Variants in ATIC observed in about 807,000 individuals in gnomAD.
ATIC encodes the protein bifunctional purine biosynthesis protein ATIC.
In ATIC, 64 loss-of-function variants were observed where a neutral mutation model predicts 72.5. That is an observed-to-expected ratio of 0.88 (90% CI 0.72 to 1.09). The LOEUF is 1.09. Ranked by LOEUF, ATIC falls within the 50% of genes least tolerant of loss-of-function variation. ATIC has a pLI of 0.00. For synonymous variants in ATIC, 281 were observed against 267.1 expected (o/e 1.05, Z -0.51); for missense variants, 787 against 732.4 (o/e 1.07, Z -0.86).
chr2:215,354,150 C>T (rs1575129608), downstream of ATIC, among the ~76,000 whole-genome samples: 1 of 152,028 alleles, frequency 6.6e-6, no homozygotes, highest in Non-Finnish European at 1.5e-5. Context: ...GCCTCAGCCT[C>T]CCGAGTAGCT....
chr2:215,346,661 A>G (rs2053073549), intron 13 of ATIC, 98 bp from the exon 14 acceptor site: 2 of 1,412,544 alleles, frequency 1.4e-6, no homozygotes, highest in Non-Finnish European at 2.0e-6. Context: ...TTCTTCCACA[A>G]AACTAATAAA....
rs779634676 is a variant in ATIC at position 215,326,035 on chromosome 2, CAGT to C, written c.429_431del (p.Val145del). 6.3e-5 allele frequency: 101 copies of C among 1,614,058 alleles called. No individual in the cohort carries two copies. The highest frequency in any genetic ancestry group is 8.2e-5 in the Non-Finnish European group (97 of 1,180,026). ...GCAGCCAAAAACCACGCTCGAGTGA[CAGT>C]GGTGTGTGAACCAGAGGACTATGTG... On this transcript the variant is annotated inframe_deletion, in exon 6 of 16. Transcript: ENST00000236959.
At chr2:215,356,614 C>A in the ATIC span, among the ~76,000 whole-genome samples, 1 of 152,140 alleles carries the variant, frequency 6.6e-6, no homozygotes, top group Non-Finnish European at 1.5e-5. Flanking sequence ...GTCCATTTCC[C>A]CTTCGCCCCA....
chr2:215,352,637 A>G (rs7577978), downstream of ATIC, among the ~76,000 whole-genome samples: 129,838 of 151,992 alleles, frequency 0.85, 56,410 homozygotes, highest in East Asian at 1. Context: ...TAAAAAGTAT[A>G]TAACCACATT....
the ATIC span, among the ~76,000 whole-genome samples, chr2:215,356,232 T>C: frequency 1.5e-3 from 223 of 152,342 alleles, 1 homozygote; most frequent in East Asian, 0.011. Context: ...CTTTTCATAA[T>C]GCTTTTGTGT....
the ATIC span, among the ~76,000 whole-genome samples, chr2:215,358,497 T>C: frequency 1.3e-5 from 2 of 152,216 alleles, no homozygotes; most frequent in Non-Finnish European, 2.9e-5. Context: ...ACTGTTTAGC[T>C]GGGAGCTTAT....
intron 14 of ATIC, 95 bp from the exon 15 acceptor site, chr2:215,348,999 A>AATTT (rs1208022684): frequency 3.4e-5 from 42 of 1,250,120 alleles, no homozygotes; most frequent in Middle Eastern, 1.9e-4. Context: ...AGTCCTAAGA[A>AATTT]AAATGCCCAG....
intron 12 of ATIC, 23 bp from the exon 13 acceptor site, chr2:215,344,756 T>G: frequency 6.2e-7 from 1 of 1,607,400 alleles, no homozygotes; most frequent in South Asian, 1.1e-5. Context: ...CCCATGCAAT[T>G]TACCATTGTG....
chr2:215,364,719 T>C, the ATIC span: 349 of 667,712 alleles, frequency 5.2e-4, no homozygotes, highest in Non-Finnish European at 8.2e-4. Context: ...GACATAGAGC[T>C]GCTCTAGAGC....
At chr2:215,313,970 A>G (rs915475433) in intron 2 of ATIC, among the ~76,000 whole-genome samples, 1 of 152,148 alleles carries the variant, frequency 6.6e-6, no homozygotes, top group Non-Finnish European at 1.5e-5. Flanking sequence ...TTCGTAAAGC[A>G]AAATCCTCAT....
chr2:215,364,821 C>G, the ATIC span: 1 of 1,168,130 alleles, frequency 8.6e-7, no homozygotes, highest in South Asian at 1.3e-5. Context: ...CACATCCTTG[C>G]AGGAGCCCAC....
intron 7 of ATIC, among the ~76,000 whole-genome samples, chr2:215,327,561 T>A (rs1486500309): frequency 6.6e-6 from 1 of 152,170 alleles, no homozygotes; most frequent in Non-Finnish European, 1.5e-5. Context: ...GGTTTTTAAA[T>A]GTGTGTCCTG....
At chr2:215,340,463 C>T (rs1182588594) in intron 12 of ATIC, among the ~76,000 whole-genome samples, 1 of 152,150 alleles carries the variant, frequency 6.6e-6, no homozygotes, top group Non-Finnish European at 1.5e-5. Flanking sequence ...AGGAATCATT[C>T]CATTGCTTTC....
In ATIC at chr2:215,338,880, T is replaced by G. The variant is rs753385540; in HGVS notation, c.1200T>G (p.Phe400Leu). Residue 400 changes from phenylalanine (F) to leucine (L), a missense_variant, in exon 12 of 16, where the codon TTT becomes TTG. Coordinates refer to ENST00000236959, the MANE Select transcript of ATIC (RefSeq NM_004044.7). ...ATGGTGTCGTCGACAAGTCATTATT[T>G]AGCAATGTTGTTACCAAAAATAAAG... ...RNNGVVDKSL[F>L]SNVVTKNKDL... The G allele has an allele frequency of 2.5e-6, 4 of 1,613,816 alleles. No individual in the cohort carries two copies. In the East Asian group the frequency reaches 6.7e-5, roughly 27 times the overall value.
At chr2:215,354,590 T>G (rs1253721844), downstream of ATIC, among the ~76,000 whole-genome samples, 2 of 152,128 alleles carry the variant, frequency 1.3e-5, no homozygotes, top group Non-Finnish European at 2.9e-5. Flanking sequence ...GGAGATTTCT[T>G]TAGTCTGGTC....
chr2:215,361,811 C>T, the ATIC span: 2 of 611,820 alleles, frequency 3.3e-6, no homozygotes, highest in African/African-American at 4.0e-5. Context: ...TAAATTATAA[C>T]TTAAACTATA....
chr2:215,333,289 A>G, intron 8 of ATIC, 61 bp from the exon 9 acceptor site: 2 of 1,394,606 alleles, frequency 1.4e-6, no homozygotes, highest in Non-Finnish European at 1.0e-6. Flanking sequence ...GTCTTGATTT[A>G]GGAGTTGACA....
chr2:215,321,180 T>G (rs1364863402), intron 4 of ATIC, among the ~76,000 whole-genome samples: 1 of 152,220 alleles, frequency 6.6e-6, no homozygotes, highest in Non-Finnish European at 1.5e-5. Context: ...CACCAATTGT[T>G]ACGTGTCTGA....
At chr2:215,352,268 A>G (rs2053136091), downstream of ATIC, among the ~76,000 whole-genome samples, 1 of 152,146 alleles carries the variant, frequency 6.6e-6, no homozygotes, top group South Asian at 2.1e-4. Flanking sequence ...TATCCTCACA[A>G]TTTTTTCTAT....
Sources: gnomAD v4.1 joint callset for allele counts (sites outside exome capture counted in the v4.1 genomes callset) on GRCh38, gnomAD v4.1.1 for gene constraint, MANE v1.5 for transcripts, NCBI Gene and HGNC (gene_info 2026-07-23, HGNC 2026-07-21) for gene names.